ITPR2: variants seen among roughly 807,000 people sequenced by gnomAD.
ITPR2 encodes inositol 1,4,5-trisphosphate-gated calcium channel ITPR2.
In ITPR2, 207 loss-of-function variants were observed where a neutral mutation model predicts 317.1. That is an observed-to-expected ratio of 0.65 (90% CI 0.58 to 0.73). The LOEUF (loss-of-function observed/expected upper bound fraction) is 0.73, where lower values mean the gene tolerates loss of function less well. Among genes scored for constraint, ITPR2 ranks in the 30% least tolerant of loss-of-function variants. ITPR2 has a pLI of 0.00. For synonymous variants in ITPR2, 1,156 were observed against 1,149.1 expected (o/e 1.01, Z -0.12); for missense variants, 2,613 against 3,284.0 (o/e 0.80, Z 4.99).
intron 45 of ITPR2, among the ~76,000 whole-genome samples, chr12:26,451,051 T>C (rs1450315288): frequency 6.6e-6 from 1 of 152,142 alleles, no homozygotes; most frequent in Non-Finnish European, 1.5e-5. Context: ...GTCCATATTA[T>C]CTTGAGCAGA....
At chr12:26,789,665 A>T (rs1241493593) in intron 2 of ITPR2, among the ~76,000 whole-genome samples, 2 of 152,206 alleles carry the variant, frequency 1.3e-5, no homozygotes, top group Non-Finnish European at 1.5e-5. Flanking sequence ...CATTTGAGGA[A>T]ATTATCAAGC....
intron 55 of ITPR2, among the ~76,000 whole-genome samples, chr12:26,353,643 A>T (rs949890757): frequency 4.6e-5 from 7 of 152,242 alleles, no homozygotes; most frequent in Non-Finnish European, 1.0e-4. Flanking sequence ...TGGCTCCATA[A>T]TTGTTTCAGT....
chr12:26,680,667 T>G (rs766929365), intron 13 of ITPR2, among the ~76,000 whole-genome samples: 6 of 152,206 alleles, frequency 3.9e-5, no homozygotes, highest in Non-Finnish European at 7.3e-5. Flanking sequence ...TTTGTTAAAT[T>G]TAGCCACGCC....
intron 2 of ITPR2, among the ~76,000 whole-genome samples, chr12:26,784,431 G>A (rs567007875): frequency 6.7e-6 from 1 of 149,360 alleles, no homozygotes; most frequent in South Asian, 2.1e-4. Flanking sequence ...CTGCCATCTC[G>A]GCTCGCTGCA....
At chr12:26,442,963 G>A (rs1941520075) in intron 46 of ITPR2, among the ~76,000 whole-genome samples, 1 of 152,064 alleles carries the variant, frequency 6.6e-6, no homozygotes, top group Non-Finnish European at 1.5e-5. Flanking sequence ...AGCCAGATGG[G>A]TCTCAGAACA....
At chr12:26,422,248 CTTAA>C (rs1002251135) in intron 49 of ITPR2, among the ~76,000 whole-genome samples, 1 of 149,900 alleles carries the variant, frequency 6.7e-6, no homozygotes, top group African/African-American at 2.4e-5. Context: ...GAAAATACTA[CTTAA>C]TTATTTAACC....
At chr12:26,808,209 A>C (rs559968522) in intron 1 of ITPR2, among the ~76,000 whole-genome samples, 1 of 152,328 alleles carries the variant, frequency 6.6e-6, no homozygotes, top group South Asian at 2.1e-4. Context: ...TCCTGGTGTC[A>C]TCAATGGAGC....
chr12:26,351,663 AAG>A (rs1938488849), intron 55 of ITPR2, among the ~76,000 whole-genome samples: 1 of 152,048 alleles, frequency 6.6e-6, no homozygotes, highest in African/African-American at 2.4e-5. Context: ...TCAAAAAAGG[AAG>A]AGACTGTTGG....
intron 1 of ITPR2, 60 bp from the exon 2 acceptor site, chr12:26,790,287 T>C: frequency 8.0e-7 from 1 of 1,256,064 alleles, no homozygotes; most frequent in Non-Finnish European, 1.2e-6. Flanking sequence ...AACCACAGAC[T>C]GCACATGGAT....
intron 55 of ITPR2, among the ~76,000 whole-genome samples, chr12:26,354,308 A>T (rs1413209192): frequency 6.6e-6 from 1 of 152,158 alleles, no homozygotes; most frequent in Non-Finnish European, 1.5e-5. Context: ...TGGTAAATGC[A>T]TCTGTTACCT....
intron 8 of ITPR2, 59 bp from the exon 9 acceptor site, chr12:26,711,327 C>T: frequency 1.7e-6 from 2 of 1,164,790 alleles, no homozygotes; most frequent in Non-Finnish European, 2.6e-6. Flanking sequence ...GGCAAGCAAA[C>T]ACCAACAGTT....
In ITPR2 at chr12:26,595,403, T is replaced by C; in HGVS notation, c.4380+62A>G. The C allele has an allele frequency of 2.0e-6, 3 of 1,487,000 alleles. No individual in the cohort carries two copies. In the South Asian group the frequency reaches 3.8e-5, roughly 19 times the overall value. 92.1% of individuals were successfully genotyped at this position (1,487,000 alleles called of 1,614,324 possible). ...ATTTAACTGCAAGTTTTCATCCAGA[T>C]GCTTAATACTATTTAGTCGAAATAT... On this transcript the variant is annotated intron_variant, in intron 32 of 56. Transcript: ENST00000381340.
intron 37 of ITPR2, among the ~76,000 whole-genome samples, chr12:26,533,167 A>C (rs983018297): frequency 7.2e-5 from 11 of 152,174 alleles, no homozygotes; most frequent in African/African-American, 2.7e-4. Context: ...CAAATTTTCA[A>C]ATTTTCCCAC....
At chr12:26,562,068 T>G in intron 34 of ITPR2, 116 bp from the exon 35 acceptor site, 1 of 680,154 alleles carries the variant, frequency 1.5e-6, no homozygotes, top group Non-Finnish European at 2.2e-6. Context: ...AACTCTGCCA[T>G]TAACTTGTTT....
chr12:26,606,176 G>A (rs1946123801), intron 26 of ITPR2, among the ~76,000 whole-genome samples: 1 of 122,198 alleles, frequency 8.2e-6, no homozygotes. Context: ...GCATCCCAGA[G>A]CTGAATGGGC....
chr12:26,748,379 T>C (rs1289429923), intron 2 of ITPR2, among the ~76,000 whole-genome samples: 1 of 152,186 alleles, frequency 6.6e-6, no homozygotes. Flanking sequence ...TAATTAATTT[T>C]ATTACACTTA....
intron 21 of ITPR2, among the ~76,000 whole-genome samples, chr12:26,652,020 CCTTTT>C (rs1185026670): frequency 6.6e-6 from 1 of 152,238 alleles, no homozygotes; most frequent in African/African-American, 2.4e-5. Context: ...CAAGTCCCTT[CCTTTT>C]AAGTTGGTGC....
chr12:26,773,443 A>G (rs943641048), intron 2 of ITPR2, among the ~76,000 whole-genome samples: 2 of 152,210 alleles, frequency 1.3e-5, no homozygotes, highest in African/African-American at 4.8e-5. Context: ...TTAACCCCAG[A>G]ACACAGGATG....
Position 26,658,105 on chromosome 12 carries a change from A to C in ITPR2, c.1912T>G (p.Cys638Gly). 6.3e-7 allele frequency: 1 copy of C among 1,582,012 alleles called. No individual in the cohort carries two copies. Residue 638 changes from cysteine to glycine, a missense_variant, in exon 17 of 57, where the codon TGT becomes GGT. Around this residue, in one of 9 missense-constraint regions of ITPR2, gnomAD observed 515 missense variants for 789.4 expected, o/e 0.65. Transcript: ENST00000381340. ...PRFLDYLSDL[C>G]VSNTTAIPVT... Reference sequence around the variant, plus strand: ...GGGATAGCAGTGGTATTAGACACACACAGATCTGACAAATAATCCAAAAAC... The same window carrying C: ...GGGATAGCAGTGGTATTAGACACACCCAGATCTGACAAATAATCCAAAAAC...
Sources: allele counts gnomAD v4.1 joint callset (sites outside exome capture counted in the v4.1 genomes callset), GRCh38; gene constraint gnomAD v4.1.1; regional missense constraint gnomAD v4.1.1; transcripts MANE v1.5; gene names NCBI Gene and HGNC (gene_info 2026-07-23, HGNC 2026-07-21).